The following CYP20A1 variants were observed in gnomAD, a reference collection of about 807,000 sequenced individuals.
CYP20A1 encodes the protein cytochrome P450 family 20 subfamily A member 1, also known as cytochrome P450 20A1.
CYP20A1 carries 61 observed loss-of-function variants against 61.4 expected under a neutral mutation model. The ratio of observed to expected loss-of-function variants is 0.99; its 90% CI spans 0.81 to 1.23. The LOEUF (loss-of-function observed/expected upper bound fraction) is 1.23. Ranked by LOEUF, CYP20A1 falls within the 50% of genes most tolerant of loss-of-function variation. The pLI is 0.00. For synonymous variants in CYP20A1, 193 were observed against 188.2 expected (o/e 1.03, Z -0.21); for missense variants, 530 against 542.4 (o/e 0.98, Z 0.23).
intron 4 of CYP20A1, among the ~76,000 whole-genome samples, chr2:203,265,946 TC>T (rs2152074580): frequency 6.6e-6 from 1 of 152,244 alleles, no homozygotes; most frequent in Non-Finnish European, 1.5e-5. Context: ...CACCTTTGCC[TC>T]CCAAAGTGCT....
At chr2:203,254,223 G>A (rs942397644) in intron 4 of CYP20A1, among the ~76,000 whole-genome samples, 10 of 152,074 alleles carry the variant, frequency 6.6e-5, no homozygotes, top group African/African-American at 1.9e-4. Context: ...GGGATTACAG[G>A]CATGAGCCAC....
At chr2:203,282,952 C>A (rs1314806986) in intron 8 of CYP20A1, among the ~76,000 whole-genome samples, 1 of 152,002 alleles carries the variant, frequency 6.6e-6, no homozygotes, top group Non-Finnish European at 1.5e-5. Context: ...TTTAAGAGTC[C>A]TACAAAGGAA....
chr2:203,259,992 T>G (rs1292387547), intron 4 of CYP20A1: 10 of 151,382 alleles, frequency 6.6e-5, no homozygotes, highest in Admixed American at 6.6e-4. Flanking sequence ...AGTGGCACTA[T>G]CTCAGCTCAC....
intron 11 of CYP20A1, among the ~76,000 whole-genome samples, chr2:203,294,791 C>T (rs747245431): frequency 7.4e-5 from 11 of 148,114 alleles, no homozygotes; most frequent in Admixed American, 4.1e-4. Flanking sequence ...TGCACCACCA[C>T]GCCCAGCTAA....
intron 1 of CYP20A1, among the ~76,000 whole-genome samples, chr2:203,245,338 TA>T (rs35335666): frequency 0.87 from 126,430 of 144,532 alleles, 55,679 homozygotes; most frequent in Non-Finnish European, 0.95. Flanking sequence ...AATCATTCTT[TA>T]AAAAAAAATT....
At position 203,282,183 on chromosome 2, in the gene CYP20A1, G is replaced by A. The variant is rs532083477; in HGVS notation, c.850+2070G>A. On this transcript the variant is annotated intron_variant, in intron 8 of 12. Coordinates refer to ENST00000356079, the MANE Select transcript of CYP20A1 (RefSeq NM_177538.3). ...CCCCTGAGTAGCTGGGATTACAGGC[G>A]CCTGCAACTATGCTTGGCTAATTTT... is the stretch of plus-strand genomic sequence containing the variant. Among the ~76,000 whole-genome samples the A allele has an allele frequency of 2.7e-3, 416 of 151,820 alleles. 3 individuals are homozygous for A. Among genetic ancestry groups the A allele is most frequent in the African/African-American group, 9.3e-3 (384 of 41,432 alleles).
Position 203,280,123 on chromosome 2 carries a change from A to C in CYP20A1, c.850+10A>C, listed in dbSNP as rs2067983022. The C allele has an allele frequency of 6.3e-7, 1 of 1,594,266 alleles. No homozygotes were observed. Among genetic ancestry groups the C allele is most frequent in the African/African-American group, 1.3e-5 (1 of 74,528 alleles). ...ATAATAACTGCAAAATGTAAGTATA[A>C]ATTGATTTCTTTTTCAGAGGAATTA... On this transcript the variant is annotated intron_variant, in intron 8 of 12. Transcript: ENST00000356079.
At chr2:203,268,214 G>T (rs118114085) in intron 5 of CYP20A1, among the ~76,000 whole-genome samples, 3 of 151,940 alleles carry the variant, frequency 2.0e-5, no homozygotes, top group Non-Finnish European at 4.4e-5. Flanking sequence ...TATTTCCTAC[G>T]AGCAAGGATA....
Position 203,251,793 on chromosome 2 carries a change from G to GTATATA in CYP20A1, c.290-155_290-150dup, listed in dbSNP as rs34020768. ...TCAAAAGAAAACTATATATATATGTGTATATATATATATATATATATATAA... is the reference window on the plus strand; with the variant it reads ...TCAAAAGAAAACTATATATATATGTGTATATATATATATATATATATATATATATAA... On this transcript the variant is annotated intron_variant, in intron 3 of 12. Coordinates refer to ENST00000356079, the MANE Select transcript of CYP20A1 (RefSeq NM_177538.3). 1.7e-3 allele frequency among the ~76,000 whole-genome samples: 108 copies of GTATATA among 64,088 alleles called. 5 individuals carry two copies. The highest frequency in any genetic ancestry group is 0.015 in the Middle Eastern group (1 of 68). 42.0% of individuals were successfully genotyped at this position (64,088 alleles called of 152,430 possible). A position where few individuals can be genotyped will look rare whatever the true frequency, so the allele number is the denominator to read the frequency against.
At position 203,252,541 on chromosome 2, in the gene CYP20A1, C is replaced by T. The variant is rs368997437; in HGVS notation, c.432+432C>T. 3.4e-4 allele frequency among the ~76,000 whole-genome samples: 51 copies of T among 152,030 alleles called. No homozygotes were observed. In the South Asian group the frequency reaches 8.1e-3, roughly 24 times the overall value. ...TCCCTAGTAGCTGGGATTACAGGTG[C>T]GCACCATCACACCGGGCTAATTTTT... is the stretch of plus-strand genomic sequence containing the variant. On this transcript the variant is annotated intron_variant, in intron 4 of 12. Coordinates refer to ENST00000356079, the MANE Select transcript of CYP20A1 (RefSeq NM_177538.3).
intron 10 of CYP20A1, 78 bp downstream of exon 10, chr2:203,289,954 AT>A: frequency 1.8e-6 from 1 of 565,808 alleles, no homozygotes. Context: ...ATATATATAT[AT>A]TTTAGACAGA....
rs1445738560 is a variant in CYP20A1 at position 203,266,547 on chromosome 2, T to C, written c.466T>C (p.Tyr156His). ...AGAATTATTAGATAAATGGCTCTCC[T>C]ACCCAGAGACCCAGCACGTGCCCCT... ...SEELLDKWLS[Y>H]PETQHVPLSQ... The change falls in exon 5 of 13, where the codon TAC (tyrosine) becomes CAC (histidine). Residue 156 changes from tyrosine to histidine, a missense_variant. Transcript: ENST00000356079. 1 of 1,614,052 alleles carries C rather than the reference T, an allele frequency of 6.2e-7. No homozygotes were observed. The highest frequency in any genetic ancestry group is 1.7e-5 in the Admixed American group (1 of 60,010).
At position 203,246,082 on chromosome 2, in the gene CYP20A1, G is replaced by C. The variant is rs573391351; in HGVS notation, c.122+187G>C. Among the ~76,000 whole-genome samples, 3 of 152,232 alleles carry C rather than the reference G, an allele frequency of 2.0e-5. No individual in the cohort carries two copies. In the East Asian group the frequency reaches 5.8e-4, roughly 29 times the overall value. ...GATTGTGCCACTGCACTCCAGCCTA[G>C]GCGACAGAGCCAGACCCTGTTTCTA... On this transcript the variant is annotated intron_variant, in intron 2 of 12. Coordinates refer to ENST00000356079, the MANE Select transcript of CYP20A1 (RefSeq NM_177538.3).
intron 1 of CYP20A1, among the ~76,000 whole-genome samples, chr2:203,241,110 A>T (rs1345966111): frequency 6.6e-6 from 1 of 152,186 alleles, no homozygotes; most frequent in African/African-American, 2.4e-5. Flanking sequence ...GTGAAATGTG[A>T]AAGAGAGGCA....
intron 9 of CYP20A1, among the ~76,000 whole-genome samples, chr2:203,287,863 T>C (rs988798927): frequency 6.6e-6 from 1 of 152,104 alleles, no homozygotes; most frequent in Non-Finnish European, 1.5e-5. Flanking sequence ...TCTTATCTCC[T>C]GTCCTGGCTT....
intron 6 of CYP20A1, among the ~76,000 whole-genome samples, chr2:203,273,342 A>G (rs967876342): frequency 6.6e-6 from 1 of 152,352 alleles, no homozygotes; most frequent in African/African-American, 2.4e-5. Context: ...TTAATAATGC[A>G]TACTAAGAAC....
At chr2:203,255,599 C>G (rs568040125) in intron 4 of CYP20A1, among the ~76,000 whole-genome samples, 1 of 152,334 alleles carries the variant, frequency 6.6e-6, no homozygotes, top group South Asian at 2.1e-4. Flanking sequence ...ATTCCATGAA[C>G]AGACCCTTTG....
At chr2:203,282,503 G>A (rs1293689248) in intron 8 of CYP20A1, among the ~76,000 whole-genome samples, 1 of 151,994 alleles carries the variant, frequency 6.6e-6, no homozygotes, top group Admixed American at 6.6e-5. Context: ...TAAAATCCTT[G>A]TTTTTAAAAC....
chr2:203,277,777 G>T (rs2067885199), intron 6 of CYP20A1, among the ~76,000 whole-genome samples: 1 of 151,966 alleles, frequency 6.6e-6, no homozygotes, highest in South Asian at 2.1e-4. Flanking sequence ...GCCTCCCAAA[G>T]TGCTGGGATT....
Sources: allele counts gnomAD v4.1 joint callset (sites outside exome capture counted in the v4.1 genomes callset), GRCh38; gene constraint gnomAD v4.1.1; transcripts MANE v1.5; gene names NCBI Gene and HGNC (gene_info 2026-07-23, HGNC 2026-07-21).